The following SETDB1 variants were observed in gnomAD, a reference collection of about 807,000 sequenced individuals.
SETDB1 encodes histone-lysine N-methyltransferase SETDB1.
Under a neutral mutation model 137.4 loss-of-function variants are expected in SETDB1, and 31 were observed. That is an observed-to-expected ratio of 0.23 (90% CI 0.17 to 0.30). The LOEUF (loss-of-function observed/expected upper bound fraction) is 0.30. Ranked by LOEUF, SETDB1 falls within the 10% of genes least tolerant of loss-of-function variation. SETDB1 has a pLI of 1.00. For synonymous variants in SETDB1, 548 were observed against 579.9 expected, an observed-to-expected ratio of 0.95 and a Z score of 0.79; for missense variants, 1,113 against 1,631.5, an observed-to-expected ratio of 0.68 and a Z score of 5.47.
At chr1:150,941,781 C>CCCAGCATT (rs2102687856) in intron 5 of SETDB1, among the ~76,000 whole-genome samples, 1 of 151,952 alleles carries the variant, frequency 6.6e-6, no homozygotes, top group African/African-American at 2.4e-5. Context: ...TCACTTGAGG[C>CCCAGCATT]CCAGCATTAA....
intron 15 of SETDB1, 135 bp downstream of exon 15, chr1:150,959,482 G>C (rs1670752887): frequency 4.3e-6 from 3 of 699,510 alleles, no homozygotes; most frequent in Non-Finnish European, 7.4e-6. Context: ...CTTCTACAAA[G>C]AACGTGATGA....
intron 10 of SETDB1, among the ~76,000 whole-genome samples, chr1:150,947,946 C>A (rs922129330): frequency 6.6e-6 from 1 of 151,916 alleles, no homozygotes; most frequent in African/African-American, 2.4e-5. Flanking sequence ...AAAGTCTTAT[C>A]TAAGGCCCAG....
In SETDB1 at chr1:150,959,441, C is replaced by T. The variant is rs916658132; in HGVS notation, c.2503+94C>T. The T allele has an allele frequency of 5.6e-6, 6 of 1,062,634 alleles. 1 individual carries two copies. In the Middle Eastern group the frequency reaches 1.4e-3, roughly 241 times the overall value. 65.8% of individuals were successfully genotyped at this position (1,062,634 alleles called of 1,614,324 possible). ...TTGAACATAAGAAGAAAGTGCTTGA[C>T]ATGTGAACTGGAGTAAGAGGAGGCC... On this transcript the variant is annotated intron_variant, in intron 15 of 21. Coordinates refer to ENST00000692827, the MANE Select transcript of SETDB1 (RefSeq NM_001366418.1).
intron 3 of SETDB1, among the ~76,000 whole-genome samples, chr1:150,939,620 T>C (rs892327400): frequency 1.3e-5 from 2 of 152,024 alleles, no homozygotes; most frequent in African/African-American, 4.8e-5. Flanking sequence ...CCACTGCGCC[T>C]GGCCTAATTT....
At chr1:150,946,101 C>T (rs1336754166) in intron 9 of SETDB1, among the ~76,000 whole-genome samples, 1 of 152,150 alleles carries the variant, frequency 6.6e-6, no homozygotes, top group African/African-American at 2.4e-5. Flanking sequence ...CTCACTGCAG[C>T]CTCAACCTCC....
In SETDB1 at chr1:150,949,132, G is replaced by A. The variant is rs1670420796; in HGVS notation, c.1278G>A (p.Arg426=). The A allele has an allele frequency of 2.5e-6, 4 of 1,613,588 alleles. No individual in the cohort carries two copies. Among genetic ancestry groups the A allele is most frequent in the Non-Finnish European group, 3.4e-6 (4 of 1,179,820 alleles). The change falls in exon 11 of 22, where the codon AGG becomes AGA. Residue 426 remains arginine (R), a synonymous_variant. Coordinates refer to ENST00000692827, the MANE Select transcript of SETDB1 (RefSeq NM_001366418.1). The part of the protein sequence containing the change: ...LRTRPNMGAV[R]SKGPVVQYTQ... ...TCCTTTTTCCTATAGGTGCTGTGAG[G>A]AGCAAAGGCCCTGTTGTCCAGTACA...
intron 5 of SETDB1, among the ~76,000 whole-genome samples, chr1:150,941,759 G>A (rs1463583243): frequency 1.3e-5 from 2 of 152,228 alleles, no homozygotes; most frequent in East Asian, 3.9e-4. Context: ...TTGGGAGGCT[G>A]AGGCAGGAGG....
intron 10 of SETDB1, among the ~76,000 whole-genome samples, chr1:150,947,410 C>T (rs587703458): frequency 2.6e-5 from 4 of 152,070 alleles, no homozygotes; most frequent in Admixed American, 6.5e-5. Context: ...CTACCTGCCT[C>T]GGCTGCCCAA....
Position 150,951,376 on chromosome 1 carries a change from C to G in SETDB1, c.2228C>G (p.Ala743Gly). Residue 743 changes from alanine to glycine, a missense_variant, in exon 14 of 22, where the codon GCC (alanine) becomes GGC (glycine). By Grantham distance (60) the Ala-to-Gly change is moderately conservative. Coordinates refer to ENST00000692827, the MANE Select transcript of SETDB1 (RefSeq NM_001366418.1). ...KDGCRDKSKCACHQLTIQATA... is the reference protein window; with the variant it reads ...KDGCRDKSKCGCHQLTIQATA... ...CCTCTGTCATATAGGTCCAAGTGTG[C>G]CTGCCATCAACTAACTATCCAGGCT... is the stretch of plus-strand genomic sequence containing the variant. 1.2e-6 allele frequency: 2 copies of G among 1,610,260 alleles called. No homozygotes were observed. The highest frequency in any genetic ancestry group is 1.7e-6 in the Non-Finnish European group (2 of 1,176,574).
intron 1 of SETDB1, 186 bp downstream of exon 1, chr1:150,926,703 T>G: frequency 1.9e-6 from 1 of 531,060 alleles, no homozygotes; most frequent in Non-Finnish European, 3.9e-6. Context: ...TGGGCTGGTG[T>G]GTGGGCAGAG....
chr1:150,959,708 A>G (rs909328387), intron 15 of SETDB1, among the ~76,000 whole-genome samples: 1 of 152,220 alleles, frequency 6.6e-6, no homozygotes, highest in African/African-American at 2.4e-5. Context: ...AAAGACAGAA[A>G]GGGCAAGATT....
At chr1:150,958,254 C>CTTTTTTTTTTTT (rs374122454) in intron 14 of SETDB1, among the ~76,000 whole-genome samples, 1 of 94,068 alleles carries the variant, frequency 1.1e-5, no homozygotes, top group African/African-American at 4.1e-5. Flanking sequence ...TTTCTTTTTT[C>CTTTTTTTTTTTT]TTTTTTTTTT....
chr1:150,960,789 C>T lies in SETDB1; in HGVS notation c.2730C>T (p.Asn910=), dbSNP rs1028008923. The T allele has an allele frequency of 6.8e-6, 11 of 1,609,726 alleles. No individual in the cohort carries two copies. The highest frequency in any genetic ancestry group is 1.3e-5 in the African/African-American group (1 of 74,814). The stretch of plus-strand genomic sequence containing the variant: ...CCAATGATGATAGCTCAGATGATAA[C>T]TTCTGTAAGGATGAGGACTTCAGCA... ...EESNDDSSDD[N]FCKDEDFSTS... is the part of the protein sequence containing the mutation. Residue 910 remains asparagine (N), a synonymous_variant, in exon 16 of 22, where the codon AAC becomes AAT. Transcript: ENST00000692827.
intron 12 of SETDB1, 106 bp downstream of exon 12, chr1:150,949,631 G>C: frequency 1.0e-6 from 1 of 987,198 alleles, no homozygotes; most frequent in Non-Finnish European, 1.5e-6. Context: ...GCTTATGATA[G>C]TGAGGAGTTT....
At chr1:150,963,915 T>C in intron 20 of SETDB1, 80 bp from the exon 21 acceptor site, 1 of 1,413,192 alleles carries the variant, frequency 7.1e-7, no homozygotes, top group South Asian at 1.2e-5. Context: ...TGGCATCATT[T>C]TTCTTCCAAC....
rs1197549216 is a variant in SETDB1 at position 150,950,503 on chromosome 1, C to T, written c.1629C>T (p.Leu543=). The change falls in exon 13 of 22, where the codon CTC becomes CTT. Residue 543 remains leucine, a synonymous_variant. Coordinates refer to ENST00000692827, the MANE Select transcript of SETDB1 (RefSeq NM_001366418.1). ...STASAPAPSA[L]PAPPAPPVFH... The stretch of plus-strand genomic sequence containing the variant: ...CCTCTGCCCCAGCACCCTCAGCACT[C>T]CCGGCCCCTCCAGCACCCCCAGTCT... 6.2e-7 allele frequency: 1 copy of T among 1,612,714 alleles called. No individual in the cohort carries two copies. The highest frequency in any genetic ancestry group is 2.2e-5 in the East Asian group (1 of 44,874).
chr1:150,933,852 C>T (rs1199121807), intron 3 of SETDB1, among the ~76,000 whole-genome samples: 4 of 129,842 alleles, frequency 3.1e-5, no homozygotes, highest in East Asian at 2.4e-4. Flanking sequence ...GGCAGGATCT[C>T]TGCTCACTGC....
At chr1:150,931,428 A>C (rs1437379707) in intron 3 of SETDB1, among the ~76,000 whole-genome samples, 1 of 150,846 alleles carries the variant, frequency 6.6e-6, no homozygotes, top group Non-Finnish European at 1.5e-5. Context: ...TACTAAAAAT[A>C]CAAAAAATTA....
At chr1:150,948,939 A>G (rs55892644) in intron 10 of SETDB1, among the ~76,000 whole-genome samples, 183 bp from the exon 11 acceptor site, 13,814 of 151,850 alleles carry the variant, frequency 0.091, 829 homozygotes, top group Non-Finnish European at 0.14. Flanking sequence ...GGCTGGTCTC[A>G]AACTCATGAC....
Sources: gnomAD v4.1 joint callset for allele counts (sites outside exome capture counted in the v4.1 genomes callset) on GRCh38, gnomAD v4.1.1 for gene constraint, MANE v1.5 for transcripts, NCBI Gene and HGNC (gene_info 2026-07-23, HGNC 2026-07-21) for gene names.